CTSO: variants seen among roughly 807,000 people sequenced by gnomAD.
CTSO encodes cathepsin O.
Under a neutral mutation model 42.4 loss-of-function variants are expected in CTSO, and 40 were observed. That is an observed-to-expected ratio of 0.94 (90% CI 0.73 to 1.23). The LOEUF (loss-of-function observed/expected upper bound fraction) is 1.23. Ranked by LOEUF, CTSO falls within the 50% of genes most tolerant of loss-of-function variation. CTSO has a pLI of 0.00. For missense variants in CTSO, 441 were observed against 396.0 expected (o/e 1.11, Z -0.96); for synonymous variants, 156 against 146.2 (o/e 1.07, Z -0.48).
intron 5 of CTSO, among the ~76,000 whole-genome samples, chr4:155,931,853 T>C (rs1245815746): frequency 1.3e-5 from 2 of 150,860 alleles, no homozygotes; most frequent in African/African-American, 4.9e-5. Flanking sequence ...TATTATTCAT[T>C]ATTATTATAA....
chr4:155,953,369 C>T (rs1356311056), intron 1 of CTSO, among the ~76,000 whole-genome samples: 1 of 152,142 alleles, frequency 6.6e-6, no homozygotes, highest in Admixed American at 6.5e-5. Context: ...AAGCCAGTGG[C>T]AACGATAGAG....
intron 5 of CTSO, among the ~76,000 whole-genome samples, chr4:155,934,464 C>A (rs1743294514): frequency 6.6e-6 from 1 of 152,166 alleles, no homozygotes; most frequent in South Asian, 2.1e-4. Context: ...TCCTCCAGAC[C>A]CCAGAATGGT....
intron 1 of CTSO, 92 bp downstream of exon 1, chr4:155,953,621 G>T (rs780130821): frequency 6.6e-6 from 8 of 1,218,640 alleles, no homozygotes; most frequent in African/African-American, 1.6e-5. Flanking sequence ...CCACGAGCAG[G>T]GTCAGCTCTC....
At chr4:155,940,277 T>C (rs1743405702) in intron 3 of CTSO, among the ~76,000 whole-genome samples, 1 of 151,896 alleles carries the variant, frequency 6.6e-6, no homozygotes, top group South Asian at 2.1e-4. Flanking sequence ...GGGAATGAAA[T>C]TAGGGATCGT....
chr4:155,940,503 T>C (rs1363829243), intron 3 of CTSO, among the ~76,000 whole-genome samples: 1 of 152,158 alleles, frequency 6.6e-6, no homozygotes, highest in African/African-American at 2.4e-5. Flanking sequence ...CTAGTGCCTA[T>C]GGCATAGTAA....
chr4:155,937,448 A>C lies in CTSO; in HGVS notation c.588T>G (p.Pro196=), dbSNP rs772628160. The C allele has an allele frequency of 2.5e-6, 4 of 1,613,156 alleles. No homozygotes were observed. The highest frequency in any genetic ancestry group is 2.7e-5 in the African/African-American group (2 of 74,932). The change falls in exon 5 of 8, where the codon CCT becomes CCG. Residue 196 remains proline (P), a synonymous_variant. Coordinates refer to ENST00000433477, the MANE Select transcript of CTSO (RefSeq NM_001334.3). The part of the protein sequence containing the change: ...QVKLVKDSEY[P]FKAQNGLCHY... The stretch of plus-strand genomic sequence containing the variant: ...GGCACAGACCATTTTGTGCTTTAAA[A>C]GGATATTCTGAATCTTTCACCAGTT...
At chr4:155,930,110 T>A (rs1430824132) in intron 5 of CTSO, among the ~76,000 whole-genome samples, 1 of 152,166 alleles carries the variant, frequency 6.6e-6, no homozygotes, top group South Asian at 2.1e-4. Context: ...CAGAACTCAG[T>A]CATATGGCTA....
At chr4:155,945,885 A>G in intron 1 of CTSO, among the ~76,000 whole-genome samples, 1 of 152,222 alleles carries the variant, frequency 6.6e-6, no homozygotes, top group South Asian at 2.1e-4. Flanking sequence ...CCATATTAAC[A>G]GAACAAAAAA....
chr4:155,953,753 G>C lies in CTSO; in HGVS notation c.95C>G (p.Thr32Ser). The change falls in exon 1 of 8, where the codon ACC becomes AGC. Residue 32 changes from threonine (T) to serine (S), a missense_variant. By Grantham distance (58) the Thr-to-Ser change is moderately conservative. Transcript: ENST00000433477. ...TTCACGCTCGCGGCTCCGCGGCCAG[G>C]TCGGGGTGAAGGGGGCGCGGGAGTC... The part of the protein sequence containing the change: ...DADSRAPFTP[T>S]WPRSREREAA... 1 of 1,300,692 alleles carries C rather than the reference G, an allele frequency of 7.7e-7. No homozygotes were observed. Among genetic ancestry groups the C allele is most frequent in the East Asian group, 3.1e-5 (1 of 32,230 alleles). The allele number at this position is 1,300,692 out of a possible 1,614,324, so 80.6% of individuals were successfully genotyped here.
intron 1 of CTSO, among the ~76,000 whole-genome samples, chr4:155,945,373 G>T (rs917299700): frequency 5.3e-5 from 8 of 152,192 alleles, no homozygotes; most frequent in African/African-American, 1.7e-4. Context: ...GGCATTAGAA[G>T]AATAATATTT....
chr4:155,928,853 A>G (rs1743178873), intron 6 of CTSO, among the ~76,000 whole-genome samples: 1 of 152,236 alleles, frequency 6.6e-6, no homozygotes, highest in Non-Finnish European at 1.5e-5. Context: ...AAAAATTGAC[A>G]GGTGGAATCT....
chr4:155,931,209 T>C (rs1743228101), intron 5 of CTSO, among the ~76,000 whole-genome samples: 1 of 152,170 alleles, frequency 6.6e-6, no homozygotes. Flanking sequence ...TATCTTATTG[T>C]ATCAAAATTC....
chr4:155,953,831 A>G lies in CTSO; in HGVS notation c.17T>C (p.Leu6Pro). MDVRA[L>P]PWLPWLLWLL... ...CCACAGCAGCCACGGCAGCCACGGC[A>G]GCGCCCGCACGTCCATTGCGGCGCC... Residue 6 changes from leucine to proline, a missense_variant, in exon 1 of 8, where the codon CTG (leucine) becomes CCG (proline). Coordinates refer to ENST00000433477, the MANE Select transcript of CTSO (RefSeq NM_001334.3). 2 of 1,305,450 alleles carry G rather than the reference A, an allele frequency of 1.5e-6. No homozygotes were observed. The highest frequency in any genetic ancestry group is 2.3e-5 in the South Asian group (1 of 42,950). 80.9% of individuals were successfully genotyped at this position (1,305,450 alleles called of 1,614,324 possible).
At chr4:155,937,771 C>A (rs902162993) in intron 4 of CTSO, among the ~76,000 whole-genome samples, 1 of 151,956 alleles carries the variant, frequency 6.6e-6, no homozygotes, top group Non-Finnish European at 1.5e-5. Context: ...TGAGCCACCA[C>A]GCCAGGCTAA....
intron 5 of CTSO, among the ~76,000 whole-genome samples, chr4:155,937,011 A>G (rs1332294032): frequency 1.3e-5 from 2 of 152,186 alleles, no homozygotes; most frequent in East Asian, 3.8e-4. Flanking sequence ...ATGGTAATAT[A>G]ACACCTAAAT....
intron 1 of CTSO, among the ~76,000 whole-genome samples, chr4:155,949,811 A>C (rs1428656841): frequency 6.6e-6 from 1 of 152,174 alleles, no homozygotes; most frequent in Admixed American, 6.5e-5. Context: ...ACTGAGGATA[A>C]TTTTGTCCCT....
chr4:155,950,499 T>C (rs1388525708), intron 1 of CTSO, among the ~76,000 whole-genome samples: 1 of 146,672 alleles, frequency 6.8e-6, no homozygotes, highest in Admixed American at 6.8e-5. Context: ...TTAAGTGAGA[T>C]TCATCAGAAA....
In CTSO at chr4:155,926,039, C is replaced by T; in HGVS notation, c.963G>A (p.Val321=). ...GIADSVSSIF[V] ...GTCTCTTGATCTGCCCAACATGTCA[C>T]ACAAATATAGAAGAAACGGAATCTG... The change falls in exon 8 of 8, where the codon GTG becomes GTA. Residue 321 remains valine, a synonymous_variant. Coordinates refer to ENST00000433477, the MANE Select transcript of CTSO (RefSeq NM_001334.3). 6.2e-7 allele frequency: 1 copy of T among 1,602,802 alleles called. No homozygotes were observed. The highest frequency in any genetic ancestry group is 8.5e-7 in the Non-Finnish European group (1 of 1,174,390).
chr4:155,932,929 C>T (rs941701238), intron 5 of CTSO, among the ~76,000 whole-genome samples: 4 of 152,040 alleles, frequency 2.6e-5, no homozygotes, highest in Admixed American at 6.5e-5. Context: ...ATCAAAAGGC[C>T]GGGAATCCTC....
Sources: gnomAD v4.1 joint callset for allele counts (sites outside exome capture counted in the v4.1 genomes callset) on GRCh38, gnomAD v4.1.1 for gene constraint, MANE v1.5 for transcripts, NCBI Gene and HGNC (gene_info 2026-07-23, HGNC 2026-07-21) for gene names.